ANKRA2: variants seen among roughly 807,000 people sequenced by gnomAD.
The protein encoded by ANKRA2 is ankyrin repeat family A protein 2.
A neutral mutation model predicts 37.8 loss-of-function variants in ANKRA2; 33 were observed. The observed-to-expected ratio is 0.87, with a 90% CI of 0.66 to 1.17. The LOEUF (loss-of-function observed/expected upper bound fraction) is 1.17. Among genes scored for constraint, ANKRA2 ranks in the 50% most tolerant of loss-of-function variants. ANKRA2 has a pLI of 0.00. For synonymous variants in ANKRA2, 126 were observed against 132.3 expected (o/e 0.95, Z 0.33); for missense variants, 326 against 373.7 (o/e 0.87, Z 1.05).
At chr5:73,559,633 T>C (rs899026145) in intron 3 of ANKRA2, among the ~76,000 whole-genome samples, 2 of 146,546 alleles carry the variant, frequency 1.4e-5, no homozygotes, top group Admixed American at 1.4e-4. Flanking sequence ...CTCAGAATTA[T>C]TATTTTTAAT....
chr5:73,554,457 A>T (rs343104), intron 6 of ANKRA2, 69 bp from the exon 7 acceptor site: 1 of 1,090,860 alleles, frequency 9.2e-7, no homozygotes, highest in South Asian at 1.3e-5. Flanking sequence ...ATGCTGCTGT[A>T]AGAAGTTTTA....
intron 5 of ANKRA2, 138 bp from the exon 6 acceptor site, chr5:73,555,124 C>T: frequency 1.4e-6 from 2 of 1,440,804 alleles, no homozygotes; most frequent in Non-Finnish European, 9.1e-7. Flanking sequence ...GAAACTTTTA[C>T]TCATGGATGC....
intron 3 of ANKRA2, 93 bp downstream of exon 3, chr5:73,561,037 G>GA: frequency 2.3e-6 from 3 of 1,305,980 alleles, no homozygotes. Context: ...TCTTTATCCA[G>GA]AAAATATGCA....
rs900047414 is a variant in ANKRA2 at position 73,555,174 on chromosome 5, T to G, written c.613-188A>C. 28 of 1,411,344 alleles carry G rather than the reference T, an allele frequency of 2.0e-5. No individual in the cohort carries two copies. In the Admixed American group the frequency reaches 4.5e-4, roughly 23 times the overall value. 87.4% of individuals were successfully genotyped at this position (1,411,344 alleles called of 1,614,324 possible). A position where few individuals can be genotyped will look rare whatever the true frequency, so the allele number is the denominator to read the frequency against. On this transcript the variant is annotated intron_variant, in intron 5 of 8. Coordinates refer to ENST00000296785, the MANE Select transcript of ANKRA2 (RefSeq NM_023039.5). ...CCTGGATGCCTTCCTTCCTCCGTCC[T>G]GTATCAATCCTAATTATCCTTTCAC...
chr5:73,557,491 G>T, intron 4 of ANKRA2, 84 bp downstream of exon 4: 1 of 889,080 alleles, frequency 1.1e-6, no homozygotes, highest in South Asian at 2.4e-5. Flanking sequence ...TTTGTCTTTA[G>T]GACTTTCTTA....
Position 73,565,522 on chromosome 5 carries a change from CCTTT to C in ANKRA2, c.-499_-496del, listed in dbSNP as rs1230784392. 2 of 255,704 alleles carry C rather than the reference CCTTT, an allele frequency of 7.8e-6. No individual in the cohort carries two copies. The highest frequency in any genetic ancestry group is 4.5e-5 in the African/African-American group (2 of 44,074). The allele number at this position is 255,704 out of a possible 1,614,324, so 15.8% of individuals were successfully genotyped here. Reference sequence around the variant, plus strand: ...GGTTTTCTTTTTTTTGTCCCTCTCTCCTTTTTTTTAATATTTTTGTTTTTGCCGC... The same window carrying C: ...GGTTTTCTTTTTTTTGTCCCTCTCTCTTTTTAATATTTTTGTTTTTGCCGC... On this transcript the variant is annotated 5_prime_UTR_variant, in exon 1 of 9. Transcript: ENST00000296785.
intron 5 of ANKRA2, 92 bp downstream of exon 5, chr5:73,555,396 C>T: frequency 6.5e-7 from 1 of 1,538,014 alleles, no homozygotes; most frequent in Non-Finnish European, 8.7e-7. Flanking sequence ...TAGCCTCTAC[C>T]ATTATATCTA....
intron 8 of ANKRA2, 78 bp downstream of exon 8, chr5:73,553,328 A>G: frequency 9.3e-7 from 1 of 1,074,036 alleles, no homozygotes; most frequent in South Asian, 1.5e-5. Flanking sequence ...TTACAGTGAT[A>G]AAGATGGTTT....
At chr5:73,557,742 AACT>A in intron 3 of ANKRA2, 102 bp from the exon 4 acceptor site, 2 of 739,500 alleles carry the variant, frequency 2.7e-6, no homozygotes, top group Non-Finnish European at 4.4e-6. Context: ...CCAAAACAAA[AACT>A]ACAATTTTAT....
At chr5:73,557,409 T>C (rs1246084071) in intron 4 of ANKRA2, 166 bp downstream of exon 4, 1 of 367,478 alleles carries the variant, frequency 2.7e-6, no homozygotes, top group African/African-American at 2.5e-5. Context: ...CGCTTTATAT[T>C]CCTTTTTTTT....
rs1336823896 is a variant in ANKRA2 at position 73,563,063 on chromosome 5, G to A, written c.-104-78C>T. ...ACACAAAATAATCATTTTCAATCAAGTATTGTAACAATGCTCTTGAAAGCA... is the reference window on the plus strand; with the variant it reads ...ACACAAAATAATCATTTTCAATCAAATATTGTAACAATGCTCTTGAAAGCA... On this transcript the variant is annotated intron_variant, in intron 1 of 8. Coordinates refer to ENST00000296785, the MANE Select transcript of ANKRA2 (RefSeq NM_023039.5). 6 of 550,022 alleles carry A rather than the reference G, an allele frequency of 1.1e-5. No homozygotes were observed. The East Asian group carries it at 1.9e-4, about 18-fold the overall frequency. 34.1% of individuals were successfully genotyped at this position (550,022 alleles called of 1,614,324 possible).
chr5:73,554,713 G>T, intron 6 of ANKRA2, 148 bp downstream of exon 6: 1 of 931,436 alleles, frequency 1.1e-6, no homozygotes, highest in Non-Finnish European at 1.5e-6. Flanking sequence ...CTATCCTCCC[G>T]CTTCAGCCTC....
intron 3 of ANKRA2, among the ~76,000 whole-genome samples, chr5:73,560,629 A>C (rs1580379944): frequency 6.6e-6 from 1 of 152,214 alleles, no homozygotes; most frequent in East Asian, 1.9e-4. Flanking sequence ...CAAGTGACAC[A>C]CCAGCCTCGG....
Position 73,552,263 on chromosome 5 carries a change from CAG to C in ANKRA2, c.*532_*533del, listed in dbSNP as rs1218902126. On this transcript the variant is annotated 3_prime_UTR_variant, in exon 9 of 9. Transcript: ENST00000296785. Reference sequence around the variant, plus strand: ...GATCTAATGAAGTGTTACGGCAGGACAGAAGGGTGAAATTAAAAATCTGAAAG... The same window carrying C: ...GATCTAATGAAGTGTTACGGCAGGACAAGGGTGAAATTAAAAATCTGAAAG... The C allele has an allele frequency of 5.2e-5, 8 of 152,474 alleles. No homozygotes were observed. The highest frequency in any genetic ancestry group is 1.9e-4 in the African/African-American group (8 of 41,394). 9.4% of individuals were successfully genotyped at this position (152,474 alleles called of 1,614,324 possible). A position where few individuals can be genotyped will look rare whatever the true frequency, so the allele number is the denominator to read the frequency against.
intron 7 of ANKRA2, 126 bp from the exon 8 acceptor site, chr5:73,553,612 A>G: frequency 1.3e-6 from 1 of 767,342 alleles, no homozygotes; most frequent in Non-Finnish European, 2.1e-6. Flanking sequence ...TAGTCTGACA[A>G]AGTACAGAGT....
chr5:73,561,623 C>T (rs1338900066), intron 2 of ANKRA2, among the ~76,000 whole-genome samples: 1 of 151,940 alleles, frequency 6.6e-6, no homozygotes, highest in East Asian at 1.9e-4. Context: ...AAAAATTAGC[C>T]GGGCTTGGTG....
At chr5:73,561,691 C>T (rs1747558906) in intron 2 of ANKRA2, among the ~76,000 whole-genome samples, 3 of 151,912 alleles carry the variant, frequency 2.0e-5, no homozygotes, top group African/African-American at 7.3e-5. Flanking sequence ...TGCTTGAACC[C>T]AGAAGGCGGA....
In ANKRA2 at chr5:73,552,719, A is replaced by C; in HGVS notation, c.*78T>G. ...CAGTAAATATTGCAACTGAGGTAAA[A>C]ATTTATAAGTAAACAAAACTATCAT... On this transcript the variant is annotated 3_prime_UTR_variant, in exon 9 of 9. Coordinates refer to ENST00000296785, the MANE Select transcript of ANKRA2 (RefSeq NM_023039.5). 7.2e-7 allele frequency: 1 copy of C among 1,397,374 alleles called. No homozygotes were observed. The highest frequency in any genetic ancestry group is 1.0e-6 in the Non-Finnish European group (1 of 1,003,746). The allele number at this position is 1,397,374 out of a possible 1,614,324, so 86.6% of individuals were successfully genotyped here.
Position 73,557,643 on chromosome 5 carries a change from GAA to G in ANKRA2, c.449-5_449-4del. On this transcript the variant is annotated splice_region_variant and splice_polypyrimidine_tract_variant and intron_variant, in intron 3 of 8. Coordinates refer to ENST00000296785, the MANE Select transcript of ANKRA2 (RefSeq NM_023039.5). ...AGCCAACTGGTGAACAGACAAAGCTGAAAGAGTATCATAAAATGCTTCATGAA... is the reference window on the plus strand; with the variant it reads ...AGCCAACTGGTGAACAGACAAAGCTGAGAGTATCATAAAATGCTTCATGAA... 6.2e-7 allele frequency: 1 copy of G among 1,606,348 alleles called. No individual in the cohort carries two copies. Among genetic ancestry groups the G allele is most frequent in the Non-Finnish European group, 8.5e-7 (1 of 1,173,954 alleles).
Sources: allele counts gnomAD v4.1 joint callset (sites outside exome capture counted in the v4.1 genomes callset), GRCh38; gene constraint gnomAD v4.1.1; transcripts MANE v1.5; gene names NCBI Gene and HGNC (gene_info 2026-07-23, HGNC 2026-07-21).